FIG4: variants seen among roughly 807,000 people sequenced by gnomAD.
The protein encoded by FIG4 is FIG4 phosphoinositide 5-phosphatase.
Under a neutral mutation model 118.6 loss-of-function variants are expected in FIG4, and 112 were observed. That is an observed-to-expected ratio of 0.94 (90% confidence interval 0.81 to 1.11). The LOEUF is 1.11. FIG4 is among the 50% of genes least tolerant of loss of function. The pLI is 0.00. For synonymous variants in FIG4, 369 were observed against 381.2 expected (o/e 0.97, Z 0.37); for missense variants, 969 against 1,111.7 (o/e 0.87, Z 1.83).
At chr6:109,722,165 C>CT (rs1016123492) in intron 3 of FIG4, among the ~76,000 whole-genome samples, 46 of 145,444 alleles carry the variant, frequency 3.2e-4, no homozygotes, top group Admixed American at 3.4e-4. Flanking sequence ...TTGTCATCAG[C>CT]TTTTTTTTTT....
intron 22 of FIG4, among the ~76,000 whole-genome samples, chr6:109,809,335 A>G (rs1009217019): frequency 2.6e-5 from 4 of 152,172 alleles, no homozygotes; most frequent in Non-Finnish European, 1.5e-5. Context: ...TTTTGCCACT[A>G]AGTTTTTTGT....
intron 22 of FIG4, among the ~76,000 whole-genome samples, chr6:109,803,475 G>A (rs934542436): frequency 1.3e-5 from 2 of 152,148 alleles, no homozygotes; most frequent in Non-Finnish European, 2.9e-5. Context: ...GGGCAAGTTT[G>A]GGGGCTAAGG....
intron 5 of FIG4, among the ~76,000 whole-genome samples, chr6:109,734,775 A>C (rs1403211020): frequency 6.6e-6 from 1 of 152,102 alleles, no homozygotes; most frequent in African/African-American, 2.4e-5. Flanking sequence ...GCAGTATTGC[A>C]GTGGATGTTA....
intron 3 of FIG4, among the ~76,000 whole-genome samples, chr6:109,719,641 G>T (rs1583646477): frequency 6.6e-6 from 1 of 151,872 alleles, no homozygotes; most frequent in South Asian, 2.1e-4. Flanking sequence ...CAATCCTCCT[G>T]CCTTGGCCTC....
At chr6:109,723,987 A>T (rs1775692828) in intron 3 of FIG4, among the ~76,000 whole-genome samples, 2 of 152,048 alleles carry the variant, frequency 1.3e-5, no homozygotes, top group Non-Finnish European at 2.9e-5. Context: ...GTTTAAGCTG[A>T]CTCAAATTGG....
intron 10 of FIG4, among the ~76,000 whole-genome samples, chr6:109,751,612 G>A (rs1476650282): frequency 6.6e-6 from 1 of 152,080 alleles, no homozygotes; most frequent in Non-Finnish European, 1.5e-5. Flanking sequence ...GGTTTATTCA[G>A]GGATTTGACC....
At chr6:109,755,395 GA>G (rs1424725904) in intron 10 of FIG4, among the ~76,000 whole-genome samples, 1 of 152,136 alleles carries the variant, frequency 6.6e-6, no homozygotes, top group East Asian at 1.9e-4. Flanking sequence ...GTGTGGTGCT[GA>G]AAAAAATGTA....
At chr6:109,698,352 T>A (rs893926172) in intron 1 of FIG4, among the ~76,000 whole-genome samples, 1 of 152,238 alleles carries the variant, frequency 6.6e-6, no homozygotes, top group Non-Finnish European at 1.5e-5. Context: ...AATTTTACAA[T>A]AGGCTTGTCA....
rs1464050744 is a variant in FIG4, at chr6:109,763,970, T to G, written c.1422T>G (p.Thr474=). The change falls in exon 13 of 23, where the codon ACT becomes ACG. Residue 474 remains threonine, a synonymous_variant. Transcript: ENST00000230124. ...AACTAGGAGGATGTGTGATTCCCAC[T>G]GGTCGCCTGCAGGTATACACAGTAT... ...WNELGGCVIP[T]GRLQTGILRT... 1 of 1,609,172 alleles carries G rather than the reference T, an allele frequency of 6.2e-7. No individual in the cohort carries two copies. The highest frequency in any genetic ancestry group is 8.5e-7 in the Non-Finnish European group (1 of 1,175,462).
chr6:109,692,832 C>G lies in FIG4; in HGVS notation c.66+1331C>G, dbSNP rs144583781. ...TCTCGCACCCCAGCCTCCCAAGTAGCTAGGATTACAGGAATGTGACACCAT... is the reference window on the plus strand; with the variant it reads ...TCTCGCACCCCAGCCTCCCAAGTAGGTAGGATTACAGGAATGTGACACCAT... On this transcript the variant is annotated intron_variant, in intron 1 of 22. Transcript: ENST00000230124. Among the ~76,000 whole-genome samples the G allele has an allele frequency of 5.9e-5, 9 of 152,112 alleles. No individual in the cohort carries two copies. In the East Asian group the frequency reaches 1.7e-3, roughly 29 times the overall value.
At position 109,766,715 on chromosome 6, in the gene FIG4, T is replaced by G. The variant is rs372272263; in HGVS notation, c.1584-14T>G. 4 of 1,611,964 alleles carry G rather than the reference T, an allele frequency of 2.5e-6. No individual in the cohort carries two copies. In the African/African-American group the frequency reaches 5.3e-5, roughly 22 times the overall value. On this transcript the variant is annotated splice_polypyrimidine_tract_variant and intron_variant, in intron 14 of 22. Coordinates refer to ENST00000230124, the MANE Select transcript of FIG4 (RefSeq NM_014845.6). ...TTTTGGTGAAATTCTTTAATCGGGTTTTTCTTTTTTTAGGTTATTTGAGGA... is the reference window on the plus strand; with the variant it reads ...TTTTGGTGAAATTCTTTAATCGGGTGTTTCTTTTTTTAGGTTATTTGAGGA...
At chr6:109,744,884 T>A (rs1776439258) in intron 10 of FIG4, among the ~76,000 whole-genome samples, 1 of 146,562 alleles carries the variant, frequency 6.8e-6, no homozygotes, top group African/African-American at 2.5e-5. Flanking sequence ...AGTGAGAACA[T>A]GGCAGTTTTT....
In FIG4 at chr6:109,789,897, G is replaced by A. The variant is rs530564046; in HGVS notation, c.2180+220G>A. Reference sequence around the variant, plus strand: ...TGGGAATATAACAGATGACATAAAGGCAGGTGACAGATATGATGTCTTATA... The same window carrying A: ...TGGGAATATAACAGATGACATAAAGACAGGTGACAGATATGATGTCTTATA... On this transcript the variant is annotated intron_variant, in intron 19 of 22. Coordinates refer to ENST00000230124, the MANE Select transcript of FIG4 (RefSeq NM_014845.6). 4.6e-5 allele frequency among the ~76,000 whole-genome samples: 7 copies of A among 152,216 alleles called. No homozygotes were observed. In the East Asian group the frequency reaches 7.7e-4, roughly 17 times the overall value.
chr6:109,695,155 T>G (rs1774671214), intron 1 of FIG4, among the ~76,000 whole-genome samples: 1 of 152,230 alleles, frequency 6.6e-6, no homozygotes, highest in Admixed American at 6.5e-5. Flanking sequence ...TTTCTCAAGC[T>G]AACTTCCGTC....
intron 10 of FIG4, among the ~76,000 whole-genome samples, chr6:109,759,499 C>T (rs1777034089): frequency 6.6e-6 from 1 of 152,136 alleles, no homozygotes; most frequent in Non-Finnish European, 1.5e-5. Context: ...TGTTTTTACC[C>T]TATTTTATAG....
At chr6:109,695,475 G>A (rs1409250839) in intron 1 of FIG4, among the ~76,000 whole-genome samples, 1 of 152,092 alleles carries the variant, frequency 6.6e-6, no homozygotes, top group Non-Finnish European at 1.5e-5. Flanking sequence ...AGCTTCCTGG[G>A]TATTTTTCTG....
chr6:109,769,798 A>G (rs1411456651), intron 15 of FIG4, among the ~76,000 whole-genome samples: 2 of 152,278 alleles, frequency 1.3e-5, no homozygotes, highest in East Asian at 3.9e-4. Flanking sequence ...GCACACCTGT[A>G]GTCCCAGCTA....
chr6:109,744,802 C>A (rs1021734766), intron 10 of FIG4, among the ~76,000 whole-genome samples: 5 of 151,532 alleles, frequency 3.3e-5, no homozygotes, highest in Admixed American at 2.0e-4. Context: ...CCCCCCACCC[C>A]CCAACAGGCC....
At chr6:109,753,557 G>A (rs1426624046) in intron 10 of FIG4, among the ~76,000 whole-genome samples, 1 of 152,146 alleles carries the variant, frequency 6.6e-6, no homozygotes, top group Non-Finnish European at 1.5e-5. Flanking sequence ...TCACAATATT[G>A]ATTGTTCCTA....
Sources: gnomAD v4.1 joint callset for allele counts (sites outside exome capture counted in the v4.1 genomes callset) on GRCh38, gnomAD v4.1.1 for gene constraint, MANE v1.5 for transcripts, NCBI Gene and HGNC (gene_info 2026-07-23, HGNC 2026-07-21) for gene names.